The following FSTL5 variants were observed in gnomAD, a reference collection of about 807,000 sequenced individuals.
The protein encoded by FSTL5 is follistatin-related protein 5.
In FSTL5, 62 loss-of-function variants were observed where a neutral mutation model predicts 89.1. The ratio of observed to expected loss-of-function variants is 0.70; its 90% CI spans 0.57 to 0.86. FSTL5 has a LOEUF of 0.86. Among genes scored for constraint, FSTL5 ranks in the 40% least tolerant of loss-of-function variants. The pLI, the probability that FSTL5 is intolerant of heterozygous loss-of-function variation, is 0.00. For synonymous variants in FSTL5, 383 were observed against 346.2 expected, an observed-to-expected ratio of 1.11 and a Z score of -1.18; for missense variants, 1,057 against 1,001.6, an observed-to-expected ratio of 1.06 and a Z score of -0.75.
intron 9 of FSTL5, among the ~76,000 whole-genome samples, chr4:161,539,661 C>T (rs1467628735): frequency 4.0e-5 from 6 of 151,822 alleles, no homozygotes; most frequent in African/African-American, 7.3e-5. Flanking sequence ...CCAGGCAATA[C>T]GTTTTGAAAA....
At chr4:161,533,680 T>C (rs1731499220) in intron 10 of FSTL5, among the ~76,000 whole-genome samples, 1 of 152,142 alleles carries the variant, frequency 6.6e-6, no homozygotes. Flanking sequence ...ACTGAAACTA[T>C]TCAAAAAAAT....
At chr4:161,958,510 CTTTG>C (rs1359568939) in intron 3 of FSTL5, among the ~76,000 whole-genome samples, 1 of 152,012 alleles carries the variant, frequency 6.6e-6, no homozygotes. Flanking sequence ...AATTTGGTCT[CTTTG>C]TTTATTACTT....
intron 4 of FSTL5, among the ~76,000 whole-genome samples, chr4:161,918,800 T>C (rs916499023): frequency 6.6e-6 from 1 of 151,992 alleles, no homozygotes. Flanking sequence ...CCCGCCATCA[T>C]GCCCAGCTAA....
chr4:161,873,748 C>T (rs72981132), intron 4 of FSTL5, among the ~76,000 whole-genome samples: 2,703 of 151,280 alleles, frequency 0.018, 83 homozygotes, highest in African/African-American at 0.061. Flanking sequence ...TACTTTCTCA[C>T]GCAAAAATAT....
chr4:161,814,667 C>A (rs909476300), intron 4 of FSTL5, among the ~76,000 whole-genome samples: 2 of 152,054 alleles, frequency 1.3e-5, no homozygotes, highest in African/African-American at 4.8e-5. Flanking sequence ...ATGTTTCAAT[C>A]TCTGGATTAA....
At chr4:161,417,325 G>A (rs1392739720) in intron 15 of FSTL5, among the ~76,000 whole-genome samples, 1 of 152,200 alleles carries the variant, frequency 6.6e-6, no homozygotes, top group Non-Finnish European at 1.5e-5. Flanking sequence ...TCCTGTTAAT[G>A]CAACCTGAGT....
intron 8 of FSTL5, among the ~76,000 whole-genome samples, chr4:161,578,529 T>C (rs925101590): frequency 6.6e-6 from 1 of 152,002 alleles, no homozygotes. Context: ...TCCAAATGGA[T>C]GGAGAAAACA....
At chr4:161,947,142 A>ATG (rs70937698) in intron 3 of FSTL5, among the ~76,000 whole-genome samples, 9,942 of 148,536 alleles carry the variant, frequency 0.067, 359 homozygotes, top group Non-Finnish European at 0.091. Context: ...GTGTGTGTGT[A>ATG]TGTGTGTGTG....
intron 3 of FSTL5, among the ~76,000 whole-genome samples, chr4:161,956,406 G>C (rs181873094): frequency 3.5e-4 from 53 of 151,922 alleles, no homozygotes; most frequent in African/African-American, 1.2e-3. Flanking sequence ...AGCAAATTTT[G>C]TAAAGGTATG....
At position 161,469,697 on chromosome 4, in the gene FSTL5, G is replaced by T. The variant is rs898890544; in HGVS notation, c.1609-10378C>A. Among the ~76,000 whole-genome samples, 5 of 150,860 alleles carry T rather than the reference G, an allele frequency of 3.3e-5. No individual in the cohort carries two copies. The East Asian group carries it at 7.8e-4, about 24-fold the overall frequency. On this transcript the variant is annotated intron_variant, in intron 13 of 15. Coordinates refer to ENST00000306100, the MANE Select transcript of FSTL5 (RefSeq NM_020116.5). ...CTGTTGCCCAGGCTGGAGTGCAGTG[G>T]TGCCATCTCGGCTCACTGGAAGCTC...
At chr4:161,419,903 A>G (rs1002338508) in intron 15 of FSTL5, among the ~76,000 whole-genome samples, 2 of 152,212 alleles carry the variant, frequency 1.3e-5, no homozygotes, top group Non-Finnish European at 1.5e-5. Flanking sequence ...CACAATAACC[A>G]TTCAGCTGAA....
chr4:161,678,989 T>A lies in FSTL5; in HGVS notation c.728-22495A>T, dbSNP rs111661203. On this transcript the variant is annotated intron_variant, in intron 6 of 15. Coordinates refer to ENST00000306100, the MANE Select transcript of FSTL5 (RefSeq NM_020116.5). ...TAGCAAAAATGTATTAAACACTATG[T>A]ATGTGCTAGATATATTAAATTCTTT... 1.8e-3 allele frequency among the ~76,000 whole-genome samples: 275 copies of A among 151,850 alleles called. 1 individual carries two copies. Among genetic ancestry groups the A allele is most frequent in the African/African-American group, 6.4e-3 (266 of 41,542 alleles).
At chr4:161,875,809 A>C (rs548256787) in intron 4 of FSTL5, among the ~76,000 whole-genome samples, 1 of 152,238 alleles carries the variant, frequency 6.6e-6, no homozygotes, top group African/African-American at 2.4e-5. Flanking sequence ...TGGGGGCATC[A>C]GAGATTTTTT....
chr4:162,085,714 C>T (rs1191487670), intron 2 of FSTL5, among the ~76,000 whole-genome samples: 1 of 152,044 alleles, frequency 6.6e-6, no homozygotes, highest in African/African-American at 2.4e-5. Context: ...GACTGGGACA[C>T]CCACAATTCA....
chr4:161,915,653 A>T (rs1317947310), intron 4 of FSTL5, among the ~76,000 whole-genome samples: 1 of 152,168 alleles, frequency 6.6e-6, no homozygotes, highest in Admixed American at 6.5e-5. Flanking sequence ...AATTCAGAGG[A>T]ACTGGAAACA....
chr4:161,721,777 C>T (rs188459020), intron 6 of FSTL5, among the ~76,000 whole-genome samples: 124 of 152,280 alleles, frequency 8.1e-4, no homozygotes, highest in African/African-American at 2.9e-3. Flanking sequence ...TATAGGCAAG[C>T]TTTTCTTTGG....
chr4:162,142,686 G>C (rs933918076), intron 1 of FSTL5, among the ~76,000 whole-genome samples: 1 of 152,122 alleles, frequency 6.6e-6, no homozygotes, highest in African/African-American at 2.4e-5. Context: ...GAGTAGCTAA[G>C]AGAAGATATA....
intron 3 of FSTL5, among the ~76,000 whole-genome samples, chr4:161,999,795 T>C (rs1468919958): frequency 2.0e-5 from 3 of 152,208 alleles, no homozygotes; most frequent in African/African-American, 4.8e-5. Context: ...TCATGATACA[T>C]AATGCACACT....
chr4:161,594,168 C>T (rs2126615077), intron 7 of FSTL5, among the ~76,000 whole-genome samples: 1 of 152,060 alleles, frequency 6.6e-6, no homozygotes, highest in African/African-American at 2.4e-5. Context: ...AGGGCAAGAA[C>T]GTGTAAAACT....
Sources: allele counts gnomAD v4.1 joint callset (sites outside exome capture counted in the v4.1 genomes callset), GRCh38; gene constraint gnomAD v4.1.1; transcripts MANE v1.5; gene names NCBI Gene and HGNC (gene_info 2026-07-23, HGNC 2026-07-21).